Variants in CLMP observed in about 807,000 individuals in gnomAD.
CLMP encodes the protein CXADR-like membrane protein.
In CLMP, 27 loss-of-function variants were observed where a neutral mutation model predicts 45.2. The ratio of observed to expected loss-of-function variants is 0.60; its 90% confidence interval spans 0.44 to 0.82. CLMP has a LOEUF of 0.82. CLMP is among the 40% of genes least tolerant of loss of function. CLMP has a pLI of 0.00. For missense variants in CLMP, 403 were observed against 448.4 expected, an observed-to-expected ratio of 0.90 and a Z score of 0.91; for synonymous variants, 167 against 171.4, an observed-to-expected ratio of 0.97 and a Z score of 0.20.
At chr11:123,150,478 A>AAAG (rs1861306715) in intron 1 of CLMP, among the ~76,000 whole-genome samples, 35 of 103,750 alleles carry the variant, frequency 3.4e-4, no homozygotes, top group Middle Eastern at 9.0e-3. Flanking sequence ...AAAGAAAGAA[A>AAAG]GAAAGGAAGG....
intron 1 of CLMP, among the ~76,000 whole-genome samples, chr11:123,139,674 G>C (rs1419712511): frequency 6.6e-6 from 1 of 152,054 alleles, no homozygotes. Flanking sequence ...AAATTAGCTG[G>C]GCATGGTGGC....
chr11:123,076,162 A>C (rs1865737855), intron 5 of CLMP, among the ~76,000 whole-genome samples: 1 of 152,118 alleles, frequency 6.6e-6, no homozygotes, highest in Non-Finnish European at 1.5e-5. Flanking sequence ...CTGTCTCAAA[A>C]AAAAAAAATT....
chr11:123,148,021 G>A (rs1861263249), intron 1 of CLMP, among the ~76,000 whole-genome samples: 1 of 152,050 alleles, frequency 6.6e-6, no homozygotes, highest in Non-Finnish European at 1.5e-5. Context: ...TCACATCTTC[G>A]TTCTGCAGCT....
At chr11:123,165,677 A>G (rs1474417817) in intron 1 of CLMP, among the ~76,000 whole-genome samples, 1 of 152,256 alleles carries the variant, frequency 6.6e-6, no homozygotes, top group South Asian at 2.1e-4. Flanking sequence ...GACTTGCTAG[A>G]AATTCACCGA....
chr11:123,082,553 G>C (rs552960119), intron 5 of CLMP, among the ~76,000 whole-genome samples: 1 of 151,680 alleles, frequency 6.6e-6, no homozygotes. Context: ...TGCCTGCCTC[G>C]GCCTCCCGAA....
chr11:123,083,741 G>A lies in CLMP; in HGVS notation c.495C>T (p.Tyr165=). 7 of 1,614,060 alleles carry A rather than the reference G, an allele frequency of 4.3e-6. No individual in the cohort carries two copies. Among genetic ancestry groups the A allele is most frequent in the East Asian group, 2.2e-5 (1 of 44,888 alleles). The change falls in exon 4 of 7, where the codon TAC becomes TAT. Residue 165 remains tyrosine (Y), a synonymous_variant. Coordinates refer to ENST00000448775, the MANE Select transcript of CLMP (RefSeq NM_024769.5). ...SSSGTEPIVY[Y]WQRIREKEGE... ...CCTCTTTCTCTCGGATTCGCTGCCA[G>A]TAATACACAATGGGCTCTGTGCCAG...
intron 1 of CLMP, among the ~76,000 whole-genome samples, chr11:123,099,014 A>G (rs1000759802): frequency 5.9e-5 from 9 of 151,940 alleles, no homozygotes. Flanking sequence ...TTTTTTGTAG[A>G]GACAGGGTCT....
chr11:123,184,012 T>A (rs1453666516), intron 1 of CLMP, among the ~76,000 whole-genome samples: 1 of 152,190 alleles, frequency 6.6e-6, no homozygotes, highest in African/African-American at 2.4e-5. Context: ...AAATGAAGGC[T>A]GTCATCTGTC....
In CLMP at chr11:123,134,640, C is replaced by T. The variant is rs559418764; in HGVS notation, c.29-36688G>A. On this transcript the variant is annotated intron_variant, in intron 1 of 6. Coordinates refer to ENST00000448775, the MANE Select transcript of CLMP (RefSeq NM_024769.5). ...CAGCCTGACCAACATGGTGAAACCC[C>T]ATTTCTACTAAAAATATAAAAGCCC... Among the ~76,000 whole-genome samples, 109 of 144,904 alleles carry T rather than the reference C, an allele frequency of 7.5e-4. 1 individual carries two copies. The highest frequency in any genetic ancestry group is 2.3e-3 in the African/African-American group (83 of 36,672).
At position 123,150,480 on chromosome 11, in the gene CLMP, A is replaced by AAAGAAAGAAAGAAAGAGG. The variant is rs764502298; in HGVS notation, c.28+44432_28+44433insCCTCTTTCTTTCTTTCTT. Reference sequence around the variant, plus strand: ...GAAAGAAAGAAAGAAAGAAAGAAAGAAAGGAAGGAAGGAAGGAAGGAAGGA... The same window carrying AAAGAAAGAAAGAAAGAGG: ...GAAAGAAAGAAAGAAAGAAAGAAAGAAAGAAAGAAAGAAAGAGGAAGGAAGGAAGGAAGGAAGGAAGGA... On this transcript the variant is annotated intron_variant, in intron 1 of 6. Coordinates refer to ENST00000448775, the MANE Select transcript of CLMP (RefSeq NM_024769.5). Among the ~76,000 whole-genome samples the AAAGAAAGAAAGAAAGAGG allele has an allele frequency of 1.9e-3, 76 of 40,962 alleles. 1 individual carries two copies. The highest frequency in any genetic ancestry group is 3.1e-3 in the Non-Finnish European group (65 of 21,266). The allele number at this position is 40,962 out of a possible 152,430, so 26.9% of individuals were successfully genotyped here.
chr11:123,181,263 G>T (rs1422880666), intron 1 of CLMP, among the ~76,000 whole-genome samples: 3 of 152,126 alleles, frequency 2.0e-5, no homozygotes, highest in Admixed American at 6.5e-5. Context: ...TATAAACTAT[G>T]AATGTGTTCT....
intron 1 of CLMP, among the ~76,000 whole-genome samples, chr11:123,165,724 A>C (rs1249299743): frequency 1.3e-5 from 2 of 152,132 alleles, no homozygotes; most frequent in East Asian, 3.9e-4. Flanking sequence ...TACCCAGCCC[A>C]AAGACTGTAG....
intron 5 of CLMP, among the ~76,000 whole-genome samples, chr11:123,081,167 CA>C (rs911037355): frequency 2.0e-5 from 3 of 147,016 alleles, no homozygotes; most frequent in Admixed American, 6.9e-5. Context: ...AAACAAAAAA[CA>C]AAAAAAAACC....
intron 1 of CLMP, among the ~76,000 whole-genome samples, chr11:123,187,842 C>T (rs1016951086): frequency 2.0e-5 from 3 of 152,146 alleles, no homozygotes; most frequent in Admixed American, 1.3e-4. Flanking sequence ...CAAGGATGCA[C>T]TGATTAATTC....
At chr11:123,127,450 A>G (rs568457334) in intron 1 of CLMP, among the ~76,000 whole-genome samples, 2 of 152,252 alleles carry the variant, frequency 1.3e-5, no homozygotes, top group African/African-American at 4.8e-5. Context: ...CTTATTTTCC[A>G]TATTAGTAAT....
At chr11:123,112,770 A>ATTTTTT (rs34587716) in intron 1 of CLMP, among the ~76,000 whole-genome samples, 4 of 113,998 alleles carry the variant, frequency 3.5e-5, no homozygotes, top group East Asian at 2.6e-4. Flanking sequence ...GTTAGTACCC[A>ATTTTTT]TTTTTTTTTT....
intron 1 of CLMP, among the ~76,000 whole-genome samples, chr11:123,130,701 G>GA (rs35065043): frequency 6.6e-6 from 1 of 151,412 alleles, no homozygotes; most frequent in Non-Finnish European, 1.5e-5. Context: ...AAGGGTTGGG[G>GA]AAAAAAAAGT....
intron 5 of CLMP, among the ~76,000 whole-genome samples, chr11:123,081,650 C>T (rs573014350): frequency 2.7e-4 from 41 of 152,164 alleles, no homozygotes; most frequent in Admixed American, 8.5e-4. Flanking sequence ...AAGGGTGGAT[C>T]GCCTAAGTCC....
intron 1 of CLMP, among the ~76,000 whole-genome samples, chr11:123,150,532 G>GGAAGGCAGGC (rs766986302): frequency 1.8e-5 from 2 of 111,130 alleles, no homozygotes; most frequent in Non-Finnish European, 3.6e-5. Flanking sequence ...AGGAAGGAAA[G>GGAAGGCAGGC]AAACAAGCAA....
Sources: gnomAD v4.1 joint callset for allele counts (sites outside exome capture counted in the v4.1 genomes callset) on GRCh38, gnomAD v4.1.1 for gene constraint, MANE v1.5 for transcripts, NCBI Gene and HGNC (gene_info 2026-07-23, HGNC 2026-07-21) for gene names.